The following PCDH11X variants were observed in gnomAD, a reference collection of about 807,000 sequenced individuals.
The protein encoded by PCDH11X is protocadherin 11 X-linked.
PCDH11X carries 18 observed loss-of-function variants against 53.3 expected under a neutral mutation model. That is an observed-to-expected ratio of 0.34 (90% confidence interval 0.23 to 0.50). PCDH11X has a LOEUF of 0.50. Ranked by LOEUF, PCDH11X falls within the 20% of genes least tolerant of loss-of-function variation. The pLI, the probability that PCDH11X is intolerant of heterozygous loss-of-function variation, is 0.98. For synonymous variants in PCDH11X, 279 were observed against 393.3 expected, an observed-to-expected ratio of 0.71 and a Z score of 3.44; for missense variants, 570 against 1,032.4, an observed-to-expected ratio of 0.55 and a Z score of 6.14.
chrX:92,620,635 A>G lies in PCDH11X; in HGVS notation c.*1695A>G, dbSNP rs1928415630. 1 of 111,576 alleles carries G rather than the reference A, an allele frequency of 9.0e-6. No homozygotes were observed. Among genetic ancestry groups the G allele is most frequent in the Non-Finnish European group, 1.9e-5 (1 of 53,017 alleles). 9.2% of individuals were successfully genotyped at this position (111,576 alleles called of 1,213,427 possible). On this transcript the variant is annotated 3_prime_UTR_variant, in exon 11 of 11. Transcript: ENST00000682573. Reference sequence around the variant, plus strand: ...TTTCATTGGTGAGGATTTCCACTGAATATTGAGAAAGTTTCTTTTCATGTG... The same window carrying G: ...TTTCATTGGTGAGGATTTCCACTGAGTATTGAGAAAGTTTCTTTTCATGTG...
chrX:92,076,864 T>C (rs2063780887), intron 6 of PCDH11X, among the ~76,000 whole-genome samples: 1 of 112,281 alleles, frequency 8.9e-6, no homozygotes, highest in African/African-American at 3.2e-5. Flanking sequence ...AGTATTCAAA[T>C]GATCTCTTAA....
chrX:92,127,709 G>A (rs1310850165), intron 6 of PCDH11X, among the ~76,000 whole-genome samples: 1 of 109,250 alleles, frequency 9.2e-6, no homozygotes, highest in African/African-American at 3.3e-5. Context: ...TTTCAGTAGA[G>A]ACGGGGTTTC....
chrX:92,032,127 C>T lies in PCDH11X; in HGVS notation c.3033+152854C>T, dbSNP rs184941373. The stretch of plus-strand genomic sequence containing the variant: ...CTTCCAATTCATTAACATGGAATGT[C>T]TTTCCATTTTTTTTGTCCTCTACAG... On this transcript the variant is annotated intron_variant, in intron 6 of 10. Coordinates refer to ENST00000682573, the MANE Select transcript of PCDH11X (RefSeq NM_032968.5). 2.0e-3 allele frequency among the ~76,000 whole-genome samples: 220 copies of T among 111,606 alleles called. 3 individuals carry two copies. In the Admixed American group the frequency reaches 0.021, roughly 11 times the overall value.
chrX:92,186,142 TG>T (rs2066088856), intron 6 of PCDH11X, among the ~76,000 whole-genome samples: 1 of 111,700 alleles, frequency 9.0e-6, no homozygotes. Context: ...AAAGAAAATA[TG>T]GTATATATAC....
intron 1 of PCDH11X, among the ~76,000 whole-genome samples, chrX:91,806,483 A>G (rs1318018124): frequency 8.8e-6 from 1 of 113,457 alleles, no homozygotes; most frequent in Non-Finnish European, 1.9e-5. Flanking sequence ...TCAAGATGAT[A>G]ACTCACAAGG....
chrX:91,961,997 A>T (rs1387640278), intron 6 of PCDH11X, among the ~76,000 whole-genome samples: 1 of 108,769 alleles, frequency 9.2e-6, no homozygotes. Flanking sequence ...ACCTCCCACC[A>T]GGTCTCTCCC....
At position 92,584,447 on chromosome X, in the gene PCDH11X, T is replaced by C. The variant is rs1270686792; in HGVS notation, c.3368-33817T>C. 3.6e-5 allele frequency among the ~76,000 whole-genome samples: 4 copies of C among 111,669 alleles called. No homozygotes were observed. In the East Asian group the frequency reaches 8.4e-4, roughly 23 times the overall value. ...AGAGTATCTTCTCAGATCCTACAGA[T>C]GGTGAAAAGATCATCAGAAAATAAT... On this transcript the variant is annotated intron_variant, in intron 10 of 10. Transcript: ENST00000682573.
At chrX:92,073,284 G>A (rs765112989) in intron 6 of PCDH11X, among the ~76,000 whole-genome samples, 44 of 112,189 alleles carry the variant, frequency 3.9e-4, no homozygotes, top group African/African-American at 1.4e-3. Context: ...CTGATTTTTA[G>A]TTCTTGTGAT....
chrX:92,517,527 A>T (rs1371521376), intron 10 of PCDH11X, among the ~76,000 whole-genome samples: 2 of 111,744 alleles, frequency 1.8e-5, no homozygotes, highest in East Asian at 5.6e-4. Flanking sequence ...AGGGAAATAC[A>T]GTGTACCAGA....
At chrX:92,282,957 CTCTA>C (rs1328120462) in intron 8 of PCDH11X, among the ~76,000 whole-genome samples, 1 of 111,330 alleles carries the variant, frequency 9.0e-6, no homozygotes, top group Non-Finnish European at 1.9e-5. Flanking sequence ...ACATTTGTCT[CTCTA>C]TCTATCTATA....
chrX:92,618,236 TTTA>T, intron 10 of PCDH11X, 25 bp from the exon 11 acceptor site: 1 of 1,168,728 alleles, frequency 8.6e-7, no homozygotes, highest in South Asian at 1.9e-5. Context: ...AAATATAAAT[TTTA>T]TTATTTTTTT....
At chrX:92,333,672 T>C (rs1353005816) in intron 8 of PCDH11X, among the ~76,000 whole-genome samples, 3 of 111,337 alleles carry the variant, frequency 2.7e-5, no homozygotes, top group Non-Finnish European at 5.7e-5. Context: ...TAGTTTCAGG[T>C]GACAATTTGC....
intron 10 of PCDH11X, among the ~76,000 whole-genome samples, chrX:92,562,971 T>C (rs1259806063): frequency 1.8e-5 from 2 of 108,750 alleles, no homozygotes; most frequent in Non-Finnish European, 3.8e-5. Context: ...CTCTTCCAGT[T>C]TCTGTCTGCT....
chrX:92,531,153 G>T (rs1238314515), intron 10 of PCDH11X, among the ~76,000 whole-genome samples: 1 of 110,556 alleles, frequency 9.0e-6, no homozygotes, highest in Admixed American at 9.7e-5. Context: ...ACTCCTATGA[G>T]ATTTCTTGTA....
At chrX:92,499,116 G>T (rs181649858) in intron 10 of PCDH11X, among the ~76,000 whole-genome samples, 3 of 107,121 alleles carry the variant, frequency 2.8e-5, no homozygotes, top group African/African-American at 6.7e-5. Context: ...ATTCATTCTA[G>T]TTCTTTTCAT....
At chrX:91,986,469 C>A (rs775050956) in intron 6 of PCDH11X, among the ~76,000 whole-genome samples, 1 of 108,863 alleles carries the variant, frequency 9.2e-6, no homozygotes, top group Admixed American at 9.9e-5. Context: ...CACGGTATCA[C>A]AAATTAGTGG....
intron 6 of PCDH11X, among the ~76,000 whole-genome samples, chrX:92,141,776 C>A (rs1388469859): frequency 9.0e-6 from 1 of 111,413 alleles, no homozygotes; most frequent in East Asian, 2.8e-4. Flanking sequence ...AGTTAAATGG[C>A]AGAAATAGGT....
intron 6 of PCDH11X, among the ~76,000 whole-genome samples, chrX:91,957,563 C>CTA (rs34360378): frequency 0.17 from 19,060 of 109,406 alleles, 1,327 homozygotes; most frequent in East Asian, 0.23. Context: ...ACCCTAGTTG[C>CTA]CTCAGTTTCT....
intron 6 of PCDH11X, among the ~76,000 whole-genome samples, chrX:92,186,149 T>C (rs1055104426): frequency 1.8e-5 from 2 of 111,785 alleles, no homozygotes; most frequent in African/African-American, 6.5e-5. Context: ...ATATGGTATA[T>C]ATACAGAATT....
Sources: allele counts gnomAD v4.1 joint callset (sites outside exome capture counted in the v4.1 genomes callset), GRCh38; gene constraint gnomAD v4.1.1; transcripts MANE v1.5; gene names NCBI Gene and HGNC (gene_info 2026-07-23, HGNC 2026-07-21).